The following OXR1 variants were observed in gnomAD, a reference collection of about 807,000 sequenced individuals.
The protein encoded by OXR1 is oxidation resistance protein 1.
A neutral mutation model predicts 104.6 loss-of-function variants in OXR1; 41 were observed. The ratio of observed to expected loss-of-function variants is 0.39; its 90% CI spans 0.31 to 0.51. The LOEUF (loss-of-function observed/expected upper bound fraction) is 0.51. Among genes scored for constraint, OXR1 ranks in the 20% least tolerant of loss-of-function variants. OXR1 has a pLI of 0.77. For missense variants in OXR1, 955 were observed against 1,031.9 expected (o/e 0.93, Z 1.02); for synonymous variants, 348 against 348.4 (o/e 1.00, Z 0.01).
In OXR1 at chr8:106,386,163, C is replaced by G; in HGVS notation, c.23+26527C>G. Among the ~76,000 whole-genome samples, 2 of 152,162 alleles carry G rather than the reference C, an allele frequency of 1.3e-5. 1 individual carries two copies. The highest frequency in any genetic ancestry group is 1.3e-4 in the Admixed American group (2 of 15,262). The stretch of plus-strand genomic sequence containing the variant: ...CTGTCTACTATCCCGTAATAAAATT[C>G]TTGCTACTTAAGCTAGCTAGATTAC... On this transcript the variant is annotated intron_variant, in intron 2 of 16. Coordinates refer to ENST00000517566, the MANE Select transcript of OXR1 (RefSeq NM_001198533.2).
At chr8:106,593,648 G>A (rs1400860051) in intron 3 of OXR1, among the ~76,000 whole-genome samples, 1 of 152,086 alleles carries the variant, frequency 6.6e-6, no homozygotes, top group Non-Finnish European at 1.5e-5. Context: ...GTGGTGGCAG[G>A]CGCCTGTGGT....
intron 1 of OXR1, among the ~76,000 whole-genome samples, chr8:106,341,239 A>T (rs1197203381): frequency 6.6e-6 from 1 of 152,150 alleles, no homozygotes; most frequent in Non-Finnish European, 1.5e-5. Flanking sequence ...TATATCTAAA[A>T]CAACAGTAAA....
At chr8:106,464,627 A>G (rs544402747) in intron 2 of OXR1, among the ~76,000 whole-genome samples, 1 of 152,202 alleles carries the variant, frequency 6.6e-6, no homozygotes, top group South Asian at 2.1e-4. Context: ...GCACTAGTGC[A>G]GTAGAAGTAG....
rs536723741 is a variant in OXR1 at position 106,653,071 on chromosome 8, GAA to G, written c.221-26127_221-26126del. 3.4e-3 allele frequency among the ~76,000 whole-genome samples: 446 copies of G among 129,920 alleles called. 3 individuals are homozygous for G. The highest frequency in any genetic ancestry group is 0.011 in the African/African-American group (384 of 36,270). The allele number at this position is 129,920 out of a possible 152,430, so 85.2% of individuals were successfully genotyped here. A position where few individuals can be genotyped will look rare whatever the true frequency, so the allele number is the denominator to read the frequency against. ...AAACTGACTGACACAAGGAGAAATA[GAA>G]AAAAAAAAAAATATATATATATATA... On this transcript the variant is annotated intron_variant, in intron 3 of 16. Coordinates refer to ENST00000517566, the MANE Select transcript of OXR1 (RefSeq NM_001198533.2).
chr8:106,399,936 T>A, intron 2 of OXR1, among the ~76,000 whole-genome samples: 1 of 152,188 alleles, frequency 6.6e-6, no homozygotes, highest in Non-Finnish European at 1.5e-5. Context: ...CAAGAATCCT[T>A]GTTTCTGATT....
intron 2 of OXR1, among the ~76,000 whole-genome samples, chr8:106,437,868 AATTTGTTGTC>A (rs1378763297): frequency 6.6e-6 from 1 of 152,286 alleles, no homozygotes; most frequent in African/African-American, 2.4e-5. Context: ...TCCTCCTAGG[AATTTGTTGTC>A]ATCCCCTAAA....
At chr8:106,468,629 C>T (rs117087862) in intron 2 of OXR1, among the ~76,000 whole-genome samples, 1 of 151,788 alleles carries the variant, frequency 6.6e-6, no homozygotes, top group Non-Finnish European at 1.5e-5. Context: ...TTGGGGAAGT[C>T]ATGGTAAGGA....
intron 2 of OXR1, among the ~76,000 whole-genome samples, chr8:106,446,374 CT>C (rs982482707): frequency 6.6e-6 from 1 of 152,150 alleles, no homozygotes; most frequent in African/African-American, 2.4e-5. Context: ...AATCCCAGCA[CT>C]TTGGGAGGCT....
intron 3 of OXR1, among the ~76,000 whole-genome samples, chr8:106,573,975 G>A (rs1817654191): frequency 6.6e-6 from 1 of 152,128 alleles, no homozygotes; most frequent in African/African-American, 2.4e-5. Context: ...GAGACATCTG[G>A]TTTCAAGTAG....
intron 3 of OXR1, among the ~76,000 whole-genome samples, chr8:106,532,502 T>C (rs1273956745): frequency 6.6e-6 from 1 of 152,156 alleles, no homozygotes; most frequent in Non-Finnish European, 1.5e-5. Flanking sequence ...TGTATATAAA[T>C]TGCTTAAATG....
chr8:106,582,192 A>ATATATATATATATC (rs1818293810), intron 3 of OXR1, among the ~76,000 whole-genome samples: 1 of 144,626 alleles, frequency 6.9e-6, no homozygotes, highest in African/African-American at 2.6e-5. Context: ...ATATATATAT[A>ATATATATATATATC]TATATATATA....
intron 1 of OXR1, among the ~76,000 whole-genome samples, chr8:106,298,178 T>C (rs762205727): frequency 1.3e-5 from 2 of 152,310 alleles, no homozygotes. Context: ...GGAATCTGTA[T>C]TAGTCTGTTC....
At chr8:106,325,118 G>A (rs1814414011) in intron 1 of OXR1, among the ~76,000 whole-genome samples, 1 of 152,166 alleles carries the variant, frequency 6.6e-6, no homozygotes, top group Non-Finnish European at 1.5e-5. Context: ...GAAGACCAAA[G>A]AGGAAGAGAC....
At chr8:106,332,896 T>C (rs1249358825) in intron 1 of OXR1, among the ~76,000 whole-genome samples, 1 of 152,158 alleles carries the variant, frequency 6.6e-6, no homozygotes, top group East Asian at 1.9e-4. Context: ...AATCATACAA[T>C]CTGTGCCCTT....
intron 3 of OXR1, among the ~76,000 whole-genome samples, chr8:106,562,913 C>T (rs1816787200): frequency 6.6e-6 from 1 of 152,138 alleles, no homozygotes; most frequent in Non-Finnish European, 1.5e-5. Context: ...TACAGACAAG[C>T]AAATGCTGAG....
rs192951657 is a variant in OXR1, at chr8:106,548,397, G to A, written c.220+29258G>A. On this transcript the variant is annotated intron_variant, in intron 3 of 16. Transcript: ENST00000517566. ...TACAAGTAGACACAAAGAGGAACAG[G>A]CCAGAAACTTTCTATTTTAACTTTA... is the stretch of plus-strand genomic sequence containing the variant. 1.2e-4 allele frequency among the ~76,000 whole-genome samples: 18 copies of A among 152,236 alleles called. No individual in the cohort carries two copies. In the East Asian group the frequency reaches 2.3e-3, roughly 20 times the overall value.
chr8:106,680,714 G>A (rs777524500), intron 4 of OXR1, among the ~76,000 whole-genome samples: 2 of 151,992 alleles, frequency 1.3e-5, no homozygotes, highest in Admixed American at 6.6e-5. Context: ...TATAAACTAC[G>A]TGGAGTGAGA....
intron 3 of OXR1, among the ~76,000 whole-genome samples, chr8:106,660,599 C>G (rs1316319111): frequency 2.6e-5 from 4 of 152,220 alleles, no homozygotes; most frequent in African/African-American, 9.7e-5. Flanking sequence ...TCTGTTCCTT[C>G]TCACAACCCA....
At chr8:106,418,485 C>T (rs1306085759) in intron 2 of OXR1, among the ~76,000 whole-genome samples, 1 of 151,806 alleles carries the variant, frequency 6.6e-6, no homozygotes, top group Non-Finnish European at 1.5e-5. Context: ...AACAAAATGT[C>T]TGATTTTTTT....
Sources: gnomAD v4.1 joint callset for allele counts (sites outside exome capture counted in the v4.1 genomes callset) on GRCh38, gnomAD v4.1.1 for gene constraint, MANE v1.5 for transcripts, NCBI Gene and HGNC (gene_info 2026-07-23, HGNC 2026-07-21) for gene names.